The following DIXDC1 variants were observed in gnomAD, a reference collection of about 807,000 sequenced individuals.
DIXDC1 encodes the protein dixin.
In DIXDC1, 64 loss-of-function variants were observed where a neutral mutation model predicts 103.1. The observed-to-expected ratio is 0.62, with a 90% CI of 0.51 to 0.76. The LOEUF (loss-of-function observed/expected upper bound fraction) is 0.76. Among genes scored for constraint, DIXDC1 ranks in the 30% least tolerant of loss-of-function variants. DIXDC1 has a pLI of 0.00. For missense variants in DIXDC1, 759 were observed against 834.2 expected, an observed-to-expected ratio of 0.91 and a Z score of 1.11; for synonymous variants, 266 against 298.5, an observed-to-expected ratio of 0.89 and a Z score of 1.12.
chr11:111,970,177 T>A (rs1168791809), intron 3 of DIXDC1, among the ~76,000 whole-genome samples: 1 of 152,192 alleles, frequency 6.6e-6, no homozygotes, highest in Admixed American at 6.5e-5. Flanking sequence ...TGCCTCAGCC[T>A]CCTGAGTAGC....
intron 1 of DIXDC1, among the ~76,000 whole-genome samples, chr11:111,950,771 T>A (rs1192854632): frequency 2.0e-5 from 3 of 152,056 alleles, no homozygotes; most frequent in Non-Finnish European, 4.4e-5. Flanking sequence ...GTGTATATAT[T>A]TATGGGGTAC....
chr11:111,933,953 CTATT>C (rs1188364027), upstream of DIXDC1, among the ~76,000 whole-genome samples: 4 of 152,326 alleles, frequency 2.6e-5, no homozygotes, highest in African/African-American at 7.2e-5. Context: ...ACATCTTACT[CTATT>C]TATTAACAGA....
At chr11:111,937,132 G>GGGGC (rs1555168222), upstream of DIXDC1, 1 of 369,552 alleles carries the variant, frequency 2.7e-6, no homozygotes, top group Non-Finnish European at 3.5e-6. Context: ...CGGCCCGGGC[G>GGGGC]GGGGGGGGGT....
chr11:111,943,507 T>TG (rs1966489508), intron 1 of DIXDC1, among the ~76,000 whole-genome samples: 1 of 145,728 alleles, frequency 6.9e-6, no homozygotes, highest in African/African-American at 2.6e-5. Context: ...TTTTTTTTTT[T>TG]TTTGTTTTTT....
chr11:111,946,788 G>C, intron 1 of DIXDC1: 1 of 485,822 alleles, frequency 2.1e-6, no homozygotes, highest in South Asian at 1.5e-5. Flanking sequence ...CAACCTTCTT[G>C]GTATGAAGGT....
intron 17 of DIXDC1, among the ~76,000 whole-genome samples, chr11:112,006,813 T>C (rs1861252589): frequency 2.0e-5 from 3 of 151,982 alleles, no homozygotes; most frequent in Non-Finnish European, 4.4e-5. Flanking sequence ...GTCACCAACA[T>C]CAAAGACCAA....
chr11:112,018,753 CAT>C (rs1861672151), intron 19 of DIXDC1, among the ~76,000 whole-genome samples: 1 of 152,032 alleles, frequency 6.6e-6, no homozygotes, highest in African/African-American at 2.4e-5. Context: ...TAGTATCAGG[CAT>C]TTTTTAAAAC....
intron 1 of DIXDC1, among the ~76,000 whole-genome samples, chr11:111,938,145 G>A (rs1966284097): frequency 6.6e-6 from 1 of 152,210 alleles, no homozygotes; most frequent in Admixed American, 6.5e-5. Flanking sequence ...GGTCCAGGGA[G>A]CCAGCGCGTG....
At chr11:111,980,439 A>G (rs1205137871) in intron 5 of DIXDC1, among the ~76,000 whole-genome samples, 1 of 152,244 alleles carries the variant, frequency 6.6e-6, no homozygotes, top group Non-Finnish European at 1.5e-5. Context: ...AGTTCTTTGA[A>G]TGCTAGATTA....
In DIXDC1 at chr11:111,976,189, G is replaced by C. The variant is rs1442545887; in HGVS notation, c.656+1206G>C. On this transcript the variant is annotated intron_variant, in intron 5 of 19. Transcript: ENST00000440460. This position sits in a 1 kb window ranked among gnomAD's most constrained non-coding sequence, Gnocchi z 4.3. ...CTGGAGCGGAATTACAGGATGTTTTGTTGTATTGCTTCCTGCACTTCTGCA... is the reference window on the plus strand; with the variant it reads ...CTGGAGCGGAATTACAGGATGTTTTCTTGTATTGCTTCCTGCACTTCTGCA... 6.6e-6 allele frequency among the ~76,000 whole-genome samples: 1 copy of C among 152,194 alleles called. No individual in the cohort carries two copies. Among genetic ancestry groups the C allele is most frequent in the Non-Finnish European group, 1.5e-5 (1 of 68,036 alleles).
chr11:111,984,996 C>T (rs1860441133), intron 7 of DIXDC1, among the ~76,000 whole-genome samples: 1 of 152,132 alleles, frequency 6.6e-6, no homozygotes, highest in African/African-American at 2.4e-5. Flanking sequence ...GGCCAAGGCA[C>T]CTTGAAGCAG....
intron 7 of DIXDC1, among the ~76,000 whole-genome samples, chr11:111,983,990 A>G (rs1555173575): frequency 6.6e-6 from 1 of 152,190 alleles, no homozygotes; most frequent in Non-Finnish European, 1.5e-5. Context: ...TGATATTTCC[A>G]TAATGTTGAA....
chr11:111,975,653 TTTACTAAC>T, intron 5 of DIXDC1: 5 of 985,678 alleles, frequency 5.1e-6, no homozygotes, highest in Non-Finnish European at 6.0e-6. Flanking sequence ...AGATCATGTT[TTTACTAAC>T]TTCATTTTGT....
intron 17 of DIXDC1, among the ~76,000 whole-genome samples, chr11:111,999,112 G>A (rs928060125): frequency 6.6e-6 from 1 of 152,202 alleles, no homozygotes; most frequent in African/African-American, 2.4e-5. Flanking sequence ...ATCATCTAGT[G>A]TACTGTGGAG....
intron 9 of DIXDC1, among the ~76,000 whole-genome samples, chr11:111,987,269 A>G (rs1555173985): frequency 6.6e-6 from 1 of 151,918 alleles, no homozygotes; most frequent in African/African-American, 2.4e-5. Flanking sequence ...AAACACCATT[A>G]TGGGACTATT....
chr11:111,987,122 C>A (rs1323352067), intron 9 of DIXDC1, among the ~76,000 whole-genome samples, 198 bp downstream of exon 9: 1 of 151,884 alleles, frequency 6.6e-6, no homozygotes, highest in East Asian at 1.9e-4. Context: ...TGCTGGCACA[C>A]GTCTGTAGTC....
At chr11:111,986,095 T>A (rs1233397068) in intron 8 of DIXDC1, among the ~76,000 whole-genome samples, 1 of 152,190 alleles carries the variant, frequency 6.6e-6, no homozygotes, top group African/African-American at 2.4e-5. Context: ...CAAGCCTCCA[T>A]CCAGTATTCT....
chr11:112,013,319 G>T (rs1381449217), intron 17 of DIXDC1, among the ~76,000 whole-genome samples: 1 of 123,306 alleles, frequency 8.1e-6, no homozygotes, highest in Non-Finnish European at 1.6e-5. Flanking sequence ...CGGGTCGGGG[G>T]GTGGGGGTGG....
intron 2 of DIXDC1, among the ~76,000 whole-genome samples, chr11:111,966,397 ATTTTT>A (rs1221666046): frequency 2.4e-4 from 14 of 58,648 alleles, no homozygotes; most frequent in African/African-American, 7.7e-4. Flanking sequence ...TAATTTTTGT[ATTTTT>A]TTTTTTTTTT....
Sources: allele counts gnomAD v4.1 joint callset (sites outside exome capture counted in the v4.1 genomes callset), GRCh38; gene constraint gnomAD v4.1.1; non-coding constraint Gnocchi (gnomAD v3.1); transcripts MANE v1.5; gene names NCBI Gene and HGNC (gene_info 2026-07-23, HGNC 2026-07-21).